The following TNFAIP8L1 variants were observed in gnomAD, a reference collection of about 807,000 sequenced individuals.
TNFAIP8L1 encodes the protein TNF alpha induced protein 8 like 1.
For synonymous variants in TNFAIP8L1, 127 were observed against 125.6 expected, an observed-to-expected ratio of 1.01 and a Z score of -0.08; for missense variants, 225 against 266.1, an observed-to-expected ratio of 0.85 and a Z score of 1.08.
chr19:4,651,263 A>G (rs2078399932), intron 1 of TNFAIP8L1, among the ~76,000 whole-genome samples: 2 of 152,036 alleles, frequency 1.3e-5, no homozygotes, highest in Admixed American at 6.6e-5. Flanking sequence ...GGCTGGCATC[A>G]GACCCTACAG....
At position 4,655,451 on chromosome 19, in the gene TNFAIP8L1, T is replaced by A. The variant is rs932102071; in HGVS notation, c.*3021T>A. On this transcript the variant is annotated 3_prime_UTR_variant, in exon 2 of 2. Coordinates refer to ENST00000327473, the MANE Select transcript of TNFAIP8L1 (RefSeq NM_152362.3). The stretch of plus-strand genomic sequence containing the variant: ...TGAGACATCAGTGTGTAAAACTCTC[T>A]GTGTCCCTGTTGGGCTGTCCAGACA... The A allele has an allele frequency of 1.3e-5, 2 of 152,270 alleles. No homozygotes were observed. Among genetic ancestry groups the A allele is most frequent in the South Asian group, 4.1e-4 (2 of 4,834 alleles). The allele number at this position is 152,270 out of a possible 1,614,324, so 9.4% of individuals were successfully genotyped here. A position where few individuals can be genotyped will look rare whatever the true frequency, so the allele number is the denominator to read the frequency against.
intron 1 of TNFAIP8L1, chr19:4,640,140 C>T (rs2088246222): frequency 6.6e-6 from 1 of 152,294 alleles, no homozygotes; most frequent in African/African-American, 2.4e-5. Context: ...CAGCTGTGAA[C>T]TGGGACCGTC....
At chr19:4,649,653 G>A (rs2088344167) in intron 1 of TNFAIP8L1, among the ~76,000 whole-genome samples, 1 of 152,198 alleles carries the variant, frequency 6.6e-6, no homozygotes, top group African/African-American at 2.4e-5. Context: ...GAGCCTTTGT[G>A]GTCTCTTCTG....
intron 1 of TNFAIP8L1, among the ~76,000 whole-genome samples, chr19:4,651,186 C>T (rs1204691309): frequency 1.3e-5 from 2 of 151,574 alleles, no homozygotes; most frequent in Non-Finnish European, 2.9e-5. Flanking sequence ...GGGGATGGAA[C>T]GGAACCCCCT....
Position 4,651,935 on chromosome 19 carries a change from G to A in TNFAIP8L1, c.66G>A (p.Ala22=). ...QAQKKLLSKM[A]SKAVVAVLVD... is the part of the protein sequence containing the mutation. ...AGAAGAAGCTCCTGAGTAAGATGGC[G>A]TCCAAGGCAGTGGTGGCCGTGCTGG... Residue 22 remains alanine (A), a synonymous_variant, in exon 2 of 2, where the codon GCG becomes GCA. Transcript: ENST00000327473. 3 of 1,614,016 alleles carry A rather than the reference G, an allele frequency of 1.9e-6. No individual in the cohort carries two copies. The highest frequency in any genetic ancestry group is 2.5e-6 in the Non-Finnish European group (3 of 1,179,922).
In TNFAIP8L1 at chr19:4,653,358, C is replaced by G. The variant is rs4806994; in HGVS notation, c.*928C>G. The G allele has an allele frequency of 0.71, 118,945 of 166,836 alleles. 42,760 individuals are homozygous for G. The highest frequency in any genetic ancestry group is 0.76 in the African/African-American group (31,190 of 41,294). 10.3% of individuals were successfully genotyped at this position (166,836 alleles called of 1,614,324 possible). On this transcript the variant is annotated 3_prime_UTR_variant, in exon 2 of 2. Transcript: ENST00000327473. Reference sequence around the variant, plus strand: ...AGGCCACGTGCAGTGGCTCACTACTCTAATTCCAGCACTTTGGGAGGCCGA... The same window carrying G: ...AGGCCACGTGCAGTGGCTCACTACTGTAATTCCAGCACTTTGGGAGGCCGA...
intron 1 of TNFAIP8L1, among the ~76,000 whole-genome samples, chr19:4,644,377 CAAAAAAAA>C (rs527729094): frequency 8.2e-5 from 10 of 121,872 alleles, no homozygotes; most frequent in Non-Finnish European, 1.8e-4. Context: ...CCATGTCTAC[CAAAAAAAA>C]AAAAAAAAAA....
intron 1 of TNFAIP8L1, among the ~76,000 whole-genome samples, chr19:4,648,924 C>CTT (rs10526236): frequency 4.6e-4 from 61 of 132,440 alleles, no homozygotes; most frequent in Non-Finnish European, 6.1e-4. Flanking sequence ...TGCAAACATC[C>CTT]TTTTTTTTTT....
At chr19:4,647,681 G>A (rs1450016221) in intron 1 of TNFAIP8L1, among the ~76,000 whole-genome samples, 2 of 145,994 alleles carry the variant, frequency 1.4e-5, no homozygotes, top group East Asian at 4.0e-4. Context: ...GAGTGCAGTG[G>A]TGTGATCATA....
chr19:4,642,316 A>G (rs2088268296), intron 1 of TNFAIP8L1: 1 of 152,160 alleles, frequency 6.6e-6, no homozygotes, highest in Admixed American at 6.6e-5. Flanking sequence ...CCCTGTCTCT[A>G]CTAAAAATAC....
At chr19:4,647,900 T>G (rs981877067) in intron 1 of TNFAIP8L1, among the ~76,000 whole-genome samples, 4 of 152,006 alleles carry the variant, frequency 2.6e-5, no homozygotes, top group Admixed American at 2.6e-4. Context: ...AGTGTTGGGA[T>G]TACAGGTGTG....
chr19:4,646,534 A>G (rs2088312772), intron 1 of TNFAIP8L1, among the ~76,000 whole-genome samples: 1 of 151,622 alleles, frequency 6.6e-6, no homozygotes, highest in South Asian at 2.1e-4. Context: ...CCCCAAAAAA[A>G]CCTGGTTCCC....
chr19:4,651,832 G>A (rs1294508437), intron 1 of TNFAIP8L1, 35 bp from the exon 2 acceptor site: 8 of 1,554,678 alleles, frequency 5.1e-6, no homozygotes, highest in Non-Finnish European at 6.1e-6. Flanking sequence ...GTGCCCCAAC[G>A]TGCAAAACTG....
At position 4,643,782 on chromosome 19, in the gene TNFAIP8L1, A is replaced by G. The variant is rs559346848; in HGVS notation, c.-4+4153A>G. On this transcript the variant is annotated intron_variant, in intron 1 of 1. Coordinates refer to ENST00000327473, the MANE Select transcript of TNFAIP8L1 (RefSeq NM_152362.3). ...AAACCCCATCTCTACTAAAAATACAAAACTTAGCCAGGCATGGTGGCAGGT... is the reference window on the plus strand; with the variant it reads ...AAACCCCATCTCTACTAAAAATACAGAACTTAGCCAGGCATGGTGGCAGGT... Among the ~76,000 whole-genome samples, 3 of 152,160 alleles carry G rather than the reference A, an allele frequency of 2.0e-5. No individual in the cohort carries two copies. In the East Asian group the frequency reaches 5.8e-4, roughly 29 times the overall value.
intron 1 of TNFAIP8L1, chr19:4,640,712 CCT>C (rs1488525676): frequency 6.6e-6 from 1 of 152,380 alleles, no homozygotes; most frequent in Non-Finnish European, 1.5e-5. Context: ...CTGGCCTCCT[CCT>C]GTTTCTCCAA....
chr19:4,646,636 T>C (rs1320789033), intron 1 of TNFAIP8L1, among the ~76,000 whole-genome samples: 1 of 144,900 alleles, frequency 6.9e-6, no homozygotes, highest in African/African-American at 2.5e-5. Context: ...CTCCTGAACA[T>C]TTTTTTTTTT....
chr19:4,642,604 A>G (rs1367905241), intron 1 of TNFAIP8L1: 1 of 152,386 alleles, frequency 6.6e-6, no homozygotes, highest in Non-Finnish European at 1.5e-5. Flanking sequence ...GGAAACAGCC[A>G]TGTGGAGACC....
In TNFAIP8L1 at chr19:4,653,902, C is replaced by G. The variant is rs572358526; in HGVS notation, c.*1472C>G. On this transcript the variant is annotated 3_prime_UTR_variant, in exon 2 of 2. Transcript: ENST00000327473. ...AGGCTGCAGTGACCGATGATCATGC[C>G]ACTGCACTCCAGCTTGGGTGAGAGT... The G allele has an allele frequency of 1.2e-4, 18 of 151,910 alleles. No individual in the cohort carries two copies. The highest frequency in any genetic ancestry group is 8.5e-4 in the Admixed American group (13 of 15,244). 9.4% of individuals were successfully genotyped at this position (151,910 alleles called of 1,614,324 possible).
chr19:4,652,266 C>G lies in TNFAIP8L1; in HGVS notation c.397C>G (p.Pro133Ala), dbSNP rs1481894831. The G allele has an allele frequency of 6.4e-7, 1 of 1,563,590 alleles. No individual in the cohort carries two copies. The highest frequency in any genetic ancestry group is 1.2e-5 in the South Asian group (1 of 86,060). The change falls in exon 2 of 2, where the codon CCC (proline) becomes GCC (alanine). Residue 133 changes from proline (P) to alanine (A), a missense_variant. Physicochemically the swap from Pro to Ala is conservative, Grantham distance 27 (BLOSUM62 -1). Transcript: ENST00000327473. ...CRDLLHQAVG[P>A]HLTAKSHGRI... ...CGACCTGCTGCACCAGGCCGTGGGT[C>G]CCCACCTGACCGCCAAGTCCCACGG...
Sources: gnomAD v4.1 joint callset for allele counts (sites outside exome capture counted in the v4.1 genomes callset) on GRCh38, gnomAD v4.1.1 for gene constraint, MANE v1.5 for transcripts, NCBI Gene and HGNC (gene_info 2026-07-23, HGNC 2026-07-21) for gene names.